Variants in NTF3 observed in about 807,000 individuals in gnomAD.
NTF3 encodes the protein neurotrophin-3.
Under a neutral mutation model 26.3 loss-of-function variants are expected in NTF3, and 8 were observed. The observed-to-expected ratio is 0.30, with a 90% CI of 0.18 to 0.55. The LOEUF is 0.55. Among genes scored for constraint, NTF3 ranks in the 20% least tolerant of loss-of-function variants. NTF3 has a pLI of 0.93. For missense variants in NTF3, 276 were observed against 352.9 expected (o/e 0.78, Z 1.75); for synonymous variants, 154 against 145.5 (o/e 1.06, Z -0.42).
At chr12:5,447,103 G>T (rs116896370) in intron 1 of NTF3, among the ~76,000 whole-genome samples, 1,850 of 152,290 alleles carry the variant, frequency 0.012, 16 homozygotes, top group Non-Finnish European at 0.02. Flanking sequence ...ATGTAAGTAA[G>T]TCTCTCTTGG....
intron 1 of NTF3, among the ~76,000 whole-genome samples, chr12:5,443,145 A>G (rs1940260744): frequency 6.6e-6 from 1 of 152,010 alleles, no homozygotes. Flanking sequence ...TGAACTGGAA[A>G]CTCAGGAACC....
intron 1 of NTF3, among the ~76,000 whole-genome samples, chr12:5,471,814 G>C (rs1421314035): frequency 6.6e-6 from 1 of 152,002 alleles, no homozygotes; most frequent in Non-Finnish European, 1.5e-5. Context: ...GCAGAAAGTA[G>C]AAAGTGGGCT....
intron 1 of NTF3, among the ~76,000 whole-genome samples, chr12:5,470,724 G>A (rs888680035): frequency 1.3e-5 from 2 of 152,120 alleles, no homozygotes; most frequent in Non-Finnish European, 2.9e-5. Flanking sequence ...CCCTCTGCTC[G>A]GCCTGCCCAT....
At chr12:5,448,681 A>G (rs1345857734) in intron 1 of NTF3, among the ~76,000 whole-genome samples, 3 of 152,342 alleles carry the variant, frequency 2.0e-5, no homozygotes, top group Non-Finnish European at 4.4e-5. Flanking sequence ...ATATGATGGA[A>G]GAAGGAGCAA....
At chr12:5,487,980 A>G (rs1940887588) in intron 1 of NTF3, among the ~76,000 whole-genome samples, 1 of 152,046 alleles carries the variant, frequency 6.6e-6, no homozygotes, top group South Asian at 2.1e-4. Context: ...CCCTCAATTT[A>G]TGTCTTTTTT....
rs1475166969 is a variant in NTF3, at chr12:5,494,403, G to A, written c.228G>A (p.Leu76=). 2 of 1,613,728 alleles carry A rather than the reference G, an allele frequency of 1.2e-6. No individual in the cohort carries two copies. Among genetic ancestry groups the A allele is most frequent in the African/African-American group, 2.7e-5 (2 of 74,982 alleles). ...VDVKENYQST[L]PKAEAPREPE... Reference sequence around the variant, plus strand: ...TTAAGGAAAATTACCAGAGCACCCTGCCCAAAGCTGAGGCTCCCCGAGAGC... The same window carrying A: ...TTAAGGAAAATTACCAGAGCACCCTACCCAAAGCTGAGGCTCCCCGAGAGC... Residue 76 remains leucine, a synonymous_variant, in exon 2 of 2, where the codon CTG becomes CTA. Coordinates refer to ENST00000423158, the MANE Select transcript of NTF3 (RefSeq NM_001102654.2). This position sits in a 1 kb window ranked among gnomAD's most constrained non-coding sequence, Gnocchi z 8.3.
At chr12:5,444,918 G>A (rs776849942) in intron 1 of NTF3, among the ~76,000 whole-genome samples, 1 of 152,292 alleles carries the variant, frequency 6.6e-6, no homozygotes, top group Non-Finnish European at 1.5e-5. Context: ...CTCCAGGGGC[G>A]ATTATCTCAG....
At chr12:5,475,559 G>T (rs1417438078) in intron 1 of NTF3, among the ~76,000 whole-genome samples, 4 of 151,788 alleles carry the variant, frequency 2.6e-5, no homozygotes, top group Non-Finnish European at 4.4e-5. Flanking sequence ...TCTGGGCCAG[G>T]CATGGTGGCT....
intron 1 of NTF3, among the ~76,000 whole-genome samples, chr12:5,471,249 C>A (rs1940662959): frequency 6.6e-6 from 1 of 152,082 alleles, no homozygotes. Flanking sequence ...GCCCGGAGAC[C>A]TGGATTCATA....
At chr12:5,476,493 C>G (rs1302726483) in intron 1 of NTF3, among the ~76,000 whole-genome samples, 1 of 152,180 alleles carries the variant, frequency 6.6e-6, no homozygotes, top group African/African-American at 2.4e-5. Context: ...AGTTCATAGG[C>G]CGCGTTTCCC....
upstream of NTF3, among the ~76,000 whole-genome samples, chr12:5,431,001 C>A (rs1278019673): frequency 1.3e-5 from 2 of 152,052 alleles, no homozygotes; most frequent in Admixed American, 6.6e-5. Context: ...CCCCTTCTCT[C>A]GATGGCAAAT....
In NTF3 at chr12:5,487,613, G is replaced by A. The variant is rs149683972; in HGVS notation, c.19-6581G>A. 8.8e-4 allele frequency among the ~76,000 whole-genome samples: 134 copies of A among 152,310 alleles called. 1 individual carries two copies. Among genetic ancestry groups the A allele is most frequent in the Non-Finnish European group, 1.5e-3 (103 of 68,040 alleles). ...AGCCAGCATCTTCTGAAAATTGAGT[G>A]TCTTGTCCTGTTTCAGATCTTGGGC... On this transcript the variant is annotated intron_variant, in intron 1 of 1. Transcript: ENST00000423158.
Position 5,433,080 on chromosome 12 carries a change from T to A in NTF3, c.18+738T>A, listed in dbSNP as rs1179546963. On this transcript the variant is annotated intron_variant, in intron 1 of 1. Transcript: ENST00000423158. This position sits in a 1 kb window ranked among gnomAD's most constrained non-coding sequence, Gnocchi z 4.6. Reference sequence around the variant, plus strand: ...CCTGCGTTGGAGTTCCCCGAAAGGGTTTTTTCAGAAAAGACCTCGCGCCCC... The same window carrying A: ...CCTGCGTTGGAGTTCCCCGAAAGGGATTTTTCAGAAAAGACCTCGCGCCCC... 1 of 151,412 alleles carries A rather than the reference T, an allele frequency of 6.6e-6. No individual in the cohort carries two copies. The highest frequency in any genetic ancestry group is 1.5e-5 in the Non-Finnish European group (1 of 67,878). The allele number at this position is 151,412 out of a possible 1,614,324, so 9.4% of individuals were successfully genotyped here.
intron 1 of NTF3, among the ~76,000 whole-genome samples, chr12:5,434,558 G>A (rs1294081926): frequency 1.3e-5 from 2 of 151,668 alleles, no homozygotes; most frequent in African/African-American, 4.9e-5. Context: ...GTGCCTGGGA[G>A]GTGTGTGTTT....
In NTF3 at chr12:5,467,780, G is replaced by A. The variant is rs149872989; in HGVS notation, c.19-26414G>A. 2.1e-3 allele frequency among the ~76,000 whole-genome samples: 314 copies of A among 152,206 alleles called. 1 individual carries two copies. Among genetic ancestry groups the A allele is most frequent in the Non-Finnish European group, 3.4e-3 (228 of 68,000 alleles). On this transcript the variant is annotated intron_variant, in intron 1 of 1. Transcript: ENST00000423158. ...TGATTATTGTTTTTTAAATGCCGCCGTCATTTCAAAACACATACATGGGGC... is the reference window on the plus strand; with the variant it reads ...TGATTATTGTTTTTTAAATGCCGCCATCATTTCAAAACACATACATGGGGC...
At chr12:5,484,815 C>CT (rs1164234843) in intron 1 of NTF3, among the ~76,000 whole-genome samples, 1 of 152,216 alleles carries the variant, frequency 6.6e-6, no homozygotes, top group African/African-American at 2.4e-5. Flanking sequence ...TAGCACCCCT[C>CT]TGGAGAAACA....
In NTF3 at chr12:5,432,151, C is replaced by A; in HGVS notation, c.-174C>A. On this transcript the variant is annotated 5_prime_UTR_variant, in exon 1 of 2. Coordinates refer to ENST00000423158, the MANE Select transcript of NTF3 (RefSeq NM_001102654.2). The stretch of plus-strand genomic sequence containing the variant: ...TCTCCCTTCCGAACAGCTCCGCGCA[C>A]CGCCCCGCGACGCAGCCCGGCGCAA... 1 of 737,404 alleles carries A rather than the reference C, an allele frequency of 1.4e-6. No individual in the cohort carries two copies. Among genetic ancestry groups the A allele is most frequent in the Non-Finnish European group, 2.4e-6 (1 of 422,186 alleles). The allele number at this position is 737,404 out of a possible 1,614,324, so 45.7% of individuals were successfully genotyped here. A position where few individuals can be genotyped will look rare whatever the true frequency, so the allele number is the denominator to read the frequency against.
At chr12:5,476,046 G>A (rs760114942) in intron 1 of NTF3, among the ~76,000 whole-genome samples, 3 of 152,146 alleles carry the variant, frequency 2.0e-5, no homozygotes, top group African/African-American at 4.8e-5. Flanking sequence ...GTCCCAGAGT[G>A]TCAGTATAGG....
chr12:5,432,600 CACACACAG>C (rs1555141043), intron 1 of NTF3, among the ~76,000 whole-genome samples: 117 of 126,302 alleles, frequency 9.3e-4, no homozygotes, highest in African/African-American at 2.7e-3. Context: ...CACACACACA[CACACACAG>C]ACACGGACAC....
Sources: allele counts gnomAD v4.1 joint callset (sites outside exome capture counted in the v4.1 genomes callset), GRCh38; gene constraint gnomAD v4.1.1; non-coding constraint Gnocchi (gnomAD v3.1); transcripts MANE v1.5; gene names NCBI Gene and HGNC (gene_info 2026-07-23, HGNC 2026-07-21).